The following SIM2 variants were observed in gnomAD, a reference collection of about 807,000 sequenced individuals.
SIM2 encodes single-minded homolog 2.
SIM2 carries 28 observed loss-of-function variants against 64.8 expected under a neutral mutation model. The ratio of observed to expected loss-of-function variants is 0.43; its 90% CI spans 0.32 to 0.59. The LOEUF is 0.59. Ranked by LOEUF, SIM2 falls within the 20% of genes least tolerant of loss-of-function variation. SIM2 has a pLI of 0.07. For missense variants in SIM2, 847 were observed against 871.4 expected (o/e 0.97, Z 0.35); for synonymous variants, 408 against 391.1 (o/e 1.04, Z -0.51).
rs2089261693 is a variant in SIM2 at position 36,748,216 on chromosome 21, C to T, written c.*124C>T. 2 of 452,276 alleles carry T rather than the reference C, an allele frequency of 4.4e-6. No homozygotes were observed. Among genetic ancestry groups the T allele is most frequent in the Non-Finnish European group, 6.1e-6 (2 of 326,132 alleles). The allele number at this position is 452,276 out of a possible 1,614,324, so 28.0% of individuals were successfully genotyped here. ...AGACAGCTGTTTGAATTGGACCCCG[C>T]CGCCGACTTGCGGATTTCCACCGCG... On this transcript the variant is annotated 3_prime_UTR_variant, in exon 11 of 11. Transcript: ENST00000290399.
intron 7 of SIM2, among the ~76,000 whole-genome samples, chr21:36,735,965 C>T (rs2089041371): frequency 1.3e-5 from 2 of 152,184 alleles, no homozygotes; most frequent in South Asian, 4.1e-4. Context: ...TATTCAGCCT[C>T]CTGCCCTCCC....
intron 4 of SIM2, among the ~76,000 whole-genome samples, chr21:36,721,981 T>C (rs904996863): frequency 6.6e-6 from 1 of 151,770 alleles, no homozygotes; most frequent in African/African-American, 2.4e-5. Flanking sequence ...GGTGCAGGGG[T>C]TGAGATTCCC....
At chr21:36,700,427 G>C (rs2088474885) in intron 1 of SIM2, among the ~76,000 whole-genome samples, 1 of 145,424 alleles carries the variant, frequency 6.9e-6, no homozygotes, top group African/African-American at 2.6e-5. Flanking sequence ...GCATTGGTTT[G>C]TTTTCTTTCC....
At chr21:36,730,934 A>G in intron 6 of SIM2, 111 bp from the exon 7 acceptor site, 1 of 741,842 alleles carries the variant, frequency 1.3e-6, no homozygotes, top group Middle Eastern at 2.5e-4. Context: ...CAAAATCAAC[A>G]TTTCCCGCCT....
At chr21:36,711,176 A>T (rs2088671181) in intron 2 of SIM2, among the ~76,000 whole-genome samples, 1 of 152,226 alleles carries the variant, frequency 6.6e-6, no homozygotes, top group Non-Finnish European at 1.5e-5. Context: ...GAATTTAATT[A>T]TGATAATTTT....
At chr21:36,707,510 G>A (rs900581986) in intron 1 of SIM2, among the ~76,000 whole-genome samples, 2 of 152,186 alleles carry the variant, frequency 1.3e-5, no homozygotes, top group African/African-American at 4.8e-5. Flanking sequence ...CACCTCCTCA[G>A]CCAGGATAAG....
intron 4 of SIM2, among the ~76,000 whole-genome samples, chr21:36,721,832 G>A (rs1289400976): frequency 6.6e-6 from 1 of 152,092 alleles, no homozygotes; most frequent in East Asian, 1.9e-4. Flanking sequence ...TCCCAAAGAG[G>A]GATTATAAAT....
At chr21:36,707,970 C>CCG (rs199545428) in intron 1 of SIM2, among the ~76,000 whole-genome samples, 112,589 of 150,772 alleles carry the variant, frequency 0.75, 42,422 homozygotes, top group African/African-American at 0.86. Context: ...TGGGCCTGGC[C>CCG]CAGCGTGGGT....
intron 4 of SIM2, 63 bp from the exon 5 acceptor site, chr21:36,722,982 T>G (rs2088843666): frequency 1.5e-6 from 2 of 1,291,952 alleles, no homozygotes; most frequent in Admixed American, 1.7e-5. Flanking sequence ...TTGGTGCGGT[T>G]GGAATAAGGA....
rs1364480204 is a variant in SIM2, at chr21:36,730,918, A to G, written c.744-127A>G. 4 of 665,724 alleles carry G rather than the reference A, an allele frequency of 6.0e-6. No individual in the cohort carries two copies. In the African/African-American group the frequency reaches 7.2e-5, roughly 12 times the overall value. The allele number at this position is 665,724 out of a possible 1,614,324, so 41.2% of individuals were successfully genotyped here. On this transcript the variant is annotated intron_variant, in intron 6 of 10. Coordinates refer to ENST00000290399, the MANE Select transcript of SIM2 (RefSeq NM_005069.6). The stretch of plus-strand genomic sequence containing the variant: ...GCTTCTTGTAAAAAAGATCATTCTC[A>G]GTTTCCAAAATCAACATTTCCCGCC...
intron 3 of SIM2, among the ~76,000 whole-genome samples, chr21:36,715,180 G>T (rs147149992): frequency 2.0e-5 from 3 of 152,220 alleles, no homozygotes; most frequent in African/African-American, 7.2e-5. Context: ...TCTAGGGAGC[G>T]TTCCACGGTG....
chr21:36,709,056 C>T (rs2088632529), intron 1 of SIM2, 112 bp from the exon 2 acceptor site: 2 of 872,032 alleles, frequency 2.3e-6, no homozygotes, highest in Admixed American at 6.0e-5. Context: ...GGGAGACGCG[C>T]GGGACTCGTG....
intron 5 of SIM2, among the ~76,000 whole-genome samples, 162 bp from the exon 6 acceptor site, chr21:36,725,957 C>T (rs2088884223): frequency 6.6e-6 from 1 of 152,246 alleles, no homozygotes. Flanking sequence ...CTCTCCACTT[C>T]TCCTAAGCAA....
chr21:36,732,760 C>T lies in SIM2; in HGVS notation c.850+1609C>T, dbSNP rs566935595. ...GCTTAGTGTTCGGATGGAACTTCTC[C>T]GTCGGTGTCACTAATATGGGAGCTA... On this transcript the variant is annotated intron_variant, in intron 7 of 10. Transcript: ENST00000290399. 2.4e-3 allele frequency among the ~76,000 whole-genome samples: 370 copies of T among 152,302 alleles called. 2 individuals are homozygous for T. The highest frequency in any genetic ancestry group is 0.016 in the South Asian group (75 of 4,822).
intron 1 of SIM2, among the ~76,000 whole-genome samples, chr21:36,707,901 G>C (rs1240136563): frequency 6.7e-6 from 1 of 148,486 alleles, no homozygotes; most frequent in Non-Finnish European, 1.5e-5. Context: ...TCCTGCCTTT[G>C]GTTCAGTGCT....
chr21:36,700,826 G>A (rs1305350675), intron 1 of SIM2, among the ~76,000 whole-genome samples: 1 of 152,268 alleles, frequency 6.6e-6, no homozygotes, highest in Non-Finnish European at 1.5e-5. Context: ...AGAGCTGAGC[G>A]CTGCCGTTCT....
intron 7 of SIM2, among the ~76,000 whole-genome samples, chr21:36,740,083 T>C (rs116343607): frequency 0.01 from 1,531 of 149,688 alleles, 22 homozygotes; most frequent in African/African-American, 0.034. Flanking sequence ...CACCATAGAT[T>C]AGCCGGTGTC....
At chr21:36,739,070 T>C (rs1385566511) in intron 7 of SIM2, among the ~76,000 whole-genome samples, 1 of 135,182 alleles carries the variant, frequency 7.4e-6, no homozygotes, top group Non-Finnish European at 1.8e-5. Context: ...CATTTCATTC[T>C]GGTTAAACCT....
Position 36,723,148 on chromosome 21 carries a change from T to C in SIM2, c.543+18T>C. 1 of 1,606,362 alleles carries C rather than the reference T, an allele frequency of 6.2e-7. No homozygotes were observed. On this transcript the variant is annotated intron_variant, in intron 5 of 10. Coordinates refer to ENST00000290399, the MANE Select transcript of SIM2 (RefSeq NM_005069.6). ...GATACAAGGTACGGGGAGTCATGGG[T>C]GCGGGGAGGAGCTGGCTAAGGGTCT...
Sources: allele counts gnomAD v4.1 joint callset (sites outside exome capture counted in the v4.1 genomes callset), GRCh38; gene constraint gnomAD v4.1.1; transcripts MANE v1.5; gene names NCBI Gene and HGNC (gene_info 2026-07-23, HGNC 2026-07-21).